EPHA3: variants seen among roughly 807,000 people sequenced by gnomAD.
EPHA3 encodes the protein EPH receptor A3.
In EPHA3, 42 loss-of-function variants were observed where a neutral mutation model predicts 107.1. The ratio of observed to expected loss-of-function variants is 0.39; its 90% CI spans 0.31 to 0.51. The LOEUF is 0.51. Among genes scored for constraint, EPHA3 ranks in the 20% least tolerant of loss-of-function variants. The pLI is 0.78. For missense variants in EPHA3, 1,183 were observed against 1,211.2 expected, an observed-to-expected ratio of 0.98 and a Z score of 0.35; for synonymous variants, 461 against 424.8, an observed-to-expected ratio of 1.09 and a Z score of -1.05.
At chr3:89,273,639 G>T (rs150019132) in intron 3 of EPHA3, among the ~76,000 whole-genome samples, 1 of 151,798 alleles carries the variant, frequency 6.6e-6, no homozygotes, top group African/African-American at 2.4e-5. Context: ...TTGAATTGCT[G>T]CTCCTAGGGG....
At chr3:89,351,107 G>A (rs1707803531) in intron 5 of EPHA3, among the ~76,000 whole-genome samples, 1 of 151,362 alleles carries the variant, frequency 6.6e-6, no homozygotes, top group African/African-American at 2.4e-5. Flanking sequence ...GGAGCCTACA[G>A]TGGCAGGCAG....
At chr3:89,132,108 G>A (rs1466490631) in intron 2 of EPHA3, among the ~76,000 whole-genome samples, 4 of 152,172 alleles carry the variant, frequency 2.6e-5, no homozygotes, top group Non-Finnish European at 5.9e-5. Context: ...TCCTCCTGAT[G>A]GAGAGATAGG....
At chr3:89,337,522 GTTA>G (rs1159977213) in intron 3 of EPHA3, among the ~76,000 whole-genome samples, 1 of 152,142 alleles carries the variant, frequency 6.6e-6, no homozygotes, top group Non-Finnish European at 1.5e-5. Flanking sequence ...AAATTAAAAT[GTTA>G]TTATAGAATC....
chr3:89,256,239 A>C (rs1705282233), intron 3 of EPHA3, among the ~76,000 whole-genome samples: 2 of 151,242 alleles, frequency 1.3e-5, no homozygotes, highest in Non-Finnish European at 2.9e-5. Flanking sequence ...CAGTAGAGTG[A>C]GACTCTCTCT....
At chr3:89,394,332 G>A (rs1378996742) in intron 5 of EPHA3, among the ~76,000 whole-genome samples, 1 of 152,144 alleles carries the variant, frequency 6.6e-6, no homozygotes, top group Non-Finnish European at 1.5e-5. Flanking sequence ...GGTGGAGGCT[G>A]CAGTAAGCCG....
At chr3:89,262,865 T>C (rs1463713164) in intron 3 of EPHA3, among the ~76,000 whole-genome samples, 1 of 151,656 alleles carries the variant, frequency 6.6e-6, no homozygotes, top group Non-Finnish European at 1.5e-5. Context: ...GCAAGCCCTT[T>C]TGGGCGCCTG....
chr3:89,433,277 A>G (rs1292683896), intron 13 of EPHA3, among the ~76,000 whole-genome samples: 2 of 151,756 alleles, frequency 1.3e-5, no homozygotes, highest in Non-Finnish European at 1.5e-5. Flanking sequence ...GTTTCTTATT[A>G]TCTAATTTTA....
chr3:89,125,468 G>C lies in EPHA3; in HGVS notation c.89-1741G>C. Among the ~76,000 whole-genome samples the C allele has an allele frequency of 1.3e-5, 2 of 151,520 alleles. 1 individual carries two copies. Among genetic ancestry groups the C allele is most frequent in the Admixed American group, 1.3e-4 (2 of 15,220 alleles). On this transcript the variant is annotated intron_variant, in intron 1 of 16. Coordinates refer to ENST00000336596, the MANE Select transcript of EPHA3 (RefSeq NM_005233.6). ...ATATAATCTATAACATTGATTAATT[G>C]GTTGAGGGTATTTAATTATTTTTCA...
chr3:89,168,670 C>A (rs560926246), intron 2 of EPHA3, among the ~76,000 whole-genome samples: 2 of 152,024 alleles, frequency 1.3e-5, no homozygotes, highest in South Asian at 2.1e-4. Flanking sequence ...CACAATGCTT[C>A]TTGAAATAGA....
At chr3:89,141,317 T>C (rs924900898) in intron 2 of EPHA3, among the ~76,000 whole-genome samples, 1 of 151,474 alleles carries the variant, frequency 6.6e-6, no homozygotes, top group African/African-American at 2.4e-5. Flanking sequence ...GATCAGACGG[T>C]CTACCAAAGT....
intron 2 of EPHA3, among the ~76,000 whole-genome samples, chr3:89,160,946 T>C (rs1244646216): frequency 7.9e-5 from 12 of 152,170 alleles, no homozygotes. Context: ...ATGTTGGTTA[T>C]GTGTGTAAAT....
At chr3:89,449,201 G>C (rs2107553111) in intron 13 of EPHA3, 24 bp from the exon 14 acceptor site, 1 of 1,591,312 alleles carries the variant, frequency 6.3e-7, no homozygotes. Flanking sequence ...GCTGATTTAT[G>C]TAGACATGAT....
intron 15 of EPHA3, among the ~76,000 whole-genome samples, chr3:89,471,903 CT>C (rs1366826545): frequency 1.4e-5 from 2 of 144,258 alleles, no homozygotes; most frequent in Non-Finnish European, 1.6e-5. Flanking sequence ...CAGTCATCTA[CT>C]TTTTTCTATT....
At chr3:89,304,260 G>A (rs1430623739) in intron 3 of EPHA3, among the ~76,000 whole-genome samples, 3 of 151,986 alleles carry the variant, frequency 2.0e-5, no homozygotes, top group Non-Finnish European at 4.4e-5. Flanking sequence ...TTTCAGCCTC[G>A]ATTTCAGCCA....
At chr3:89,228,793 C>T (rs767906680) in intron 3 of EPHA3, among the ~76,000 whole-genome samples, 8 of 151,778 alleles carry the variant, frequency 5.3e-5, no homozygotes, top group African/African-American at 1.4e-4. Context: ...TAACCAGGAA[C>T]GTAAACATTT....
At chr3:89,242,863 C>T (rs1027053926) in intron 3 of EPHA3, among the ~76,000 whole-genome samples, 5 of 151,850 alleles carry the variant, frequency 3.3e-5, no homozygotes, top group African/African-American at 1.2e-4. Context: ...ATTAACTCGT[C>T]ATTTAACGTT....
intron 2 of EPHA3, among the ~76,000 whole-genome samples, chr3:89,195,817 A>T (rs1705825422): frequency 6.6e-6 from 1 of 152,120 alleles, no homozygotes; most frequent in Admixed American, 6.6e-5. Flanking sequence ...ACTCTTGCCA[A>T]AGCAATGTAC....
intron 11 of EPHA3, among the ~76,000 whole-genome samples, chr3:89,420,223 A>T (rs2107527622): frequency 6.6e-6 from 1 of 151,580 alleles, no homozygotes; most frequent in South Asian, 2.1e-4. Context: ...CCTTTAGGGG[A>T]TAATTCATTG....
At chr3:89,136,954 G>T (rs1277805225) in intron 2 of EPHA3, among the ~76,000 whole-genome samples, 2 of 151,510 alleles carry the variant, frequency 1.3e-5, no homozygotes, top group Non-Finnish European at 3.0e-5. Context: ...AATAACTTTG[G>T]CACTAAGCTC....
Sources: allele counts gnomAD v4.1 joint callset (sites outside exome capture counted in the v4.1 genomes callset), GRCh38; gene constraint gnomAD v4.1.1; transcripts MANE v1.5; gene names NCBI Gene and HGNC (gene_info 2026-07-23, HGNC 2026-07-21).